Variants in KIRREL3 observed in about 807,000 individuals in gnomAD.
The protein encoded by KIRREL3 is kin of IRRE-like protein 3.
Under a neutral mutation model 89.7 loss-of-function variants are expected in KIRREL3, and 36 were observed. That is an observed-to-expected ratio of 0.40 (90% CI 0.31 to 0.53). The LOEUF is 0.53. Ranked by LOEUF, KIRREL3 falls within the 20% of genes least tolerant of loss-of-function variation. The pLI, the probability that KIRREL3 is intolerant of heterozygous loss-of-function variation, is 0.49. For missense variants in KIRREL3, 864 were observed against 1,056.6 expected, an observed-to-expected ratio of 0.82 and a Z score of 2.53; for synonymous variants, 445 against 441.4, an observed-to-expected ratio of 1.01 and a Z score of -0.10.
chr11:126,431,467 C>T lies in KIRREL3; in HGVS notation c.1648G>A (p.Val550Ile), dbSNP rs745393009. The change falls in exon 14 of 17, where the codon GTC becomes ATC. Residue 550 changes from valine to isoleucine, a missense_variant. Coordinates refer to ENST00000525144, the MANE Select transcript of KIRREL3 (RefSeq NM_032531.4). This position sits in a 1 kb window ranked among gnomAD's most constrained non-coding sequence, Gnocchi z 7.1. Reference sequence around the variant, plus strand: ...AACGCCACGATGGTTGCCATAAGGACGAGGAAGGCCACACCAGCTCCTACG... The same window carrying T: ...AACGCCACGATGGTTGCCATAAGGATGAGGAAGGCCACACCAGCTCCTACG... ...VAVGAGVAFL[V>I]LMATIVAFCC... 2.2e-5 allele frequency: 35 copies of T among 1,613,894 alleles called. No individual in the cohort carries two copies. In the East Asian group the frequency reaches 3.1e-4, roughly 14 times the overall value.
At chr11:126,448,279 CAAAAA>C (rs55787866) in intron 8 of KIRREL3, among the ~76,000 whole-genome samples, 15 of 95,360 alleles carry the variant, frequency 1.6e-4, no homozygotes, top group African/African-American at 4.1e-4. Flanking sequence ...GAGACTGTCT[CAAAAA>C]AAAAAAAAAA....
At chr11:126,798,704 A>T (rs1950890258) in intron 1 of KIRREL3, among the ~76,000 whole-genome samples, 1 of 152,084 alleles carries the variant, frequency 6.6e-6, no homozygotes, top group Non-Finnish European at 1.5e-5. Context: ...GTTCTAATGG[A>T]TGGGTGGCCA....
chr11:126,559,257 T>G (rs1476874385), intron 2 of KIRREL3, among the ~76,000 whole-genome samples: 4 of 152,220 alleles, frequency 2.6e-5, no homozygotes, highest in Admixed American at 2.6e-4. Context: ...GTGCTCTATC[T>G]GAGGCGCTCC....
intron 1 of KIRREL3, among the ~76,000 whole-genome samples, chr11:126,792,974 G>C (rs1483442987): frequency 1.3e-5 from 2 of 152,102 alleles, no homozygotes; most frequent in Non-Finnish European, 2.9e-5. Context: ...CTATTGGGGG[G>C]TTCACAGATG....
chr11:126,450,237 A>C (rs563830362), intron 7 of KIRREL3, among the ~76,000 whole-genome samples: 15 of 148,876 alleles, frequency 1.0e-4, no homozygotes, highest in African/African-American at 3.9e-4. Context: ...ACGTGTGCAT[A>C]TGAATATGCA....
At position 126,455,613 on chromosome 11, in the gene KIRREL3, G is replaced by A. The variant is rs7481810; in HGVS notation, c.848+736C>T. On this transcript the variant is annotated intron_variant, in intron 7 of 16. Coordinates refer to ENST00000525144, the MANE Select transcript of KIRREL3 (RefSeq NM_032531.4). The surrounding 1 kb of genome is among the most constrained non-coding windows in gnomAD (Gnocchi z 6.4). ...ACCATCCTGGCTAACACGGTGAAAC[G>A]CTGTCTCTACTAAAAATACAAAAAA... Among the ~76,000 whole-genome samples the A allele has an allele frequency of 0.19, 28,714 of 147,770 alleles. 4,732 individuals are homozygous for A. Among genetic ancestry groups the A allele is most frequent in the African/African-American group, 0.44 (17,806 of 40,188 alleles).
At chr11:126,868,999 A>G (rs1945014229) in intron 1 of KIRREL3, among the ~76,000 whole-genome samples, 1 of 151,944 alleles carries the variant, frequency 6.6e-6, no homozygotes, top group South Asian at 2.1e-4. Flanking sequence ...TGACCTAATC[A>G]TTTCCCAAAG....
rs980151659 is a variant in KIRREL3, at chr11:126,651,998, A to G, written c.56-89086T>C. The stretch of plus-strand genomic sequence containing the variant: ...GATGGTAGGGTAAGTCATTATGCCA[A>G]TGGGAGAATGAGGCAAAAAGCGGAG... On this transcript the variant is annotated intron_variant, in intron 1 of 16. Transcript: ENST00000525144. The surrounding 1 kb of genome is among the most constrained non-coding windows in gnomAD (Gnocchi z 4.6). Among the ~76,000 whole-genome samples the G allele has an allele frequency of 1.3e-5, 2 of 152,194 alleles. No individual in the cohort carries two copies. Among genetic ancestry groups the G allele is most frequent in the African/African-American group, 4.8e-5 (2 of 41,448 alleles).
chr11:126,941,755 AG>A (rs1364571813), intron 1 of KIRREL3, among the ~76,000 whole-genome samples: 2 of 152,214 alleles, frequency 1.3e-5, no homozygotes. Context: ...TCCCCAAATC[AG>A]GGGCCGTGCC....
At position 126,561,916 on chromosome 11, in the gene KIRREL3, G is replaced by C. The variant is rs1940153305; in HGVS notation, c.133+919C>G. Among the ~76,000 whole-genome samples, 1 of 152,160 alleles carries C rather than the reference G, an allele frequency of 6.6e-6. No homozygotes were observed. On this transcript the variant is annotated intron_variant, in intron 2 of 16. Coordinates refer to ENST00000525144, the MANE Select transcript of KIRREL3 (RefSeq NM_032531.4). This position sits in a 1 kb window ranked among gnomAD's most constrained non-coding sequence, Gnocchi z 4.5. ...AAGAGGGCACTGAGACCATGCTATG[G>C]GGATAGAGATGGTAGAAAGAAGCTT...
At position 126,696,087 on chromosome 11, in the gene KIRREL3, C is replaced by T. The variant is rs747153687; in HGVS notation, c.56-133175G>A. 2.6e-5 allele frequency among the ~76,000 whole-genome samples: 4 copies of T among 151,852 alleles called. No homozygotes were observed. The highest frequency in any genetic ancestry group is 5.9e-5 in the Non-Finnish European group (4 of 67,970). ...TGACCAACATGGTGAAACCCCATCT[C>T]TACTAAAAATACAAAAAAAATTAGC... On this transcript the variant is annotated intron_variant, in intron 1 of 16. Coordinates refer to ENST00000525144, the MANE Select transcript of KIRREL3 (RefSeq NM_032531.4). The surrounding 1 kb of genome is among the most constrained non-coding windows in gnomAD (Gnocchi z 4.4).
In KIRREL3 at chr11:126,595,326, G is replaced by T. The variant is rs574991070; in HGVS notation, c.56-32414C>A. 2.9e-3 allele frequency among the ~76,000 whole-genome samples: 443 copies of T among 152,348 alleles called. 3 individuals are homozygous for T. Among genetic ancestry groups the T allele is most frequent in the Admixed American group, 3.1e-3 (48 of 15,308 alleles). ...TGGCTCCAGAGATCCGGAGCTGAGG[G>T]CAGTGTAGGAGCTGGCAGGGCCCTT... On this transcript the variant is annotated intron_variant, in intron 1 of 16. Coordinates refer to ENST00000525144, the MANE Select transcript of KIRREL3 (RefSeq NM_032531.4).
chr11:126,663,668 C>T (rs1161618140), intron 1 of KIRREL3, among the ~76,000 whole-genome samples: 1 of 152,138 alleles, frequency 6.6e-6, no homozygotes, highest in Non-Finnish European at 1.5e-5. Flanking sequence ...TGGCACATGA[C>T]ATGTCAGGGG....
At position 126,677,280 on chromosome 11, in the gene KIRREL3, T is replaced by C. The variant is rs1946237765; in HGVS notation, c.56-114368A>G. On this transcript the variant is annotated intron_variant, in intron 1 of 16. Coordinates refer to ENST00000525144, the MANE Select transcript of KIRREL3 (RefSeq NM_032531.4). The surrounding 1 kb of genome is among the most constrained non-coding windows in gnomAD (Gnocchi z 5.1). The stretch of plus-strand genomic sequence containing the variant: ...TTTAGGCGACTACTAATTTACTTTC[T>C]GGCTAATGGATTAATGAGGAGAGGC... Among the ~76,000 whole-genome samples the C allele has an allele frequency of 6.6e-6, 1 of 152,172 alleles. No homozygotes were observed. The highest frequency in any genetic ancestry group is 6.5e-5 in the Admixed American group (1 of 15,282).
rs989830825 is a variant in KIRREL3 at position 126,694,347 on chromosome 11, G to A, written c.56-131435C>T. Among the ~76,000 whole-genome samples, 14 of 152,190 alleles carry A rather than the reference G, an allele frequency of 9.2e-5. No individual in the cohort carries two copies. The highest frequency in any genetic ancestry group is 3.1e-4 in the African/African-American group (13 of 41,452). ...AATTGCACTTTTCCATTGTATCCTA[G>A]TGAGCGTGCACCGGAGTTGTGTCTC... On this transcript the variant is annotated intron_variant, in intron 1 of 16. Transcript: ENST00000525144. This position sits in a 1 kb window ranked among gnomAD's most constrained non-coding sequence, Gnocchi z 4.4.
Position 126,904,614 on chromosome 11 carries a change from G to A in KIRREL3, c.55+95841C>T, listed in dbSNP as rs1389807460. Reference sequence around the variant, plus strand: ...ATACATGTTTTTGACATCAGGAAAAGAAATAATCTGTCTTACAAGGCTGTT... The same window carrying A: ...ATACATGTTTTTGACATCAGGAAAAAAAATAATCTGTCTTACAAGGCTGTT... On this transcript the variant is annotated intron_variant, in intron 1 of 16. Transcript: ENST00000525144. This position sits in a 1 kb window ranked among gnomAD's most constrained non-coding sequence, Gnocchi z 4.4. Among the ~76,000 whole-genome samples the A allele has an allele frequency of 6.6e-6, 1 of 152,184 alleles. No individual in the cohort carries two copies. The highest frequency in any genetic ancestry group is 1.5e-5 in the Non-Finnish European group (1 of 68,036).
chr11:126,686,084 C>T lies in KIRREL3; in HGVS notation c.56-123172G>A, dbSNP rs1016205094. On this transcript the variant is annotated intron_variant, in intron 1 of 16. Coordinates refer to ENST00000525144, the MANE Select transcript of KIRREL3 (RefSeq NM_032531.4). The surrounding 1 kb of genome is among the most constrained non-coding windows in gnomAD (Gnocchi z 4.7). ...CACTGTTCCTGAGGTGTGAGCAAACCCTGCCTCAGATGGCCCCCGAGTCCA... is the reference window on the plus strand; with the variant it reads ...CACTGTTCCTGAGGTGTGAGCAAACTCTGCCTCAGATGGCCCCCGAGTCCA... Among the ~76,000 whole-genome samples, 1 of 152,180 alleles carries T rather than the reference C, an allele frequency of 6.6e-6. No homozygotes were observed. Among genetic ancestry groups the T allele is most frequent in the Non-Finnish European group, 1.5e-5 (1 of 68,030 alleles).
In KIRREL3 at chr11:126,870,442, G is replaced by T. The variant is rs922385345; in HGVS notation, c.55+130013C>A. Among the ~76,000 whole-genome samples the T allele has an allele frequency of 2.0e-5, 3 of 152,248 alleles. No homozygotes were observed. Among genetic ancestry groups the T allele is most frequent in the Admixed American group, 2.0e-4 (3 of 15,280 alleles). ...CAAAGAGCTAAACAGGAGCTGGAGA[G>T]CTCTCCCTGAAGCTTCCATCCCTGG... On this transcript the variant is annotated intron_variant, in intron 1 of 16. Transcript: ENST00000525144. The surrounding 1 kb of genome is among the most constrained non-coding windows in gnomAD (Gnocchi z 4.4).
intron 1 of KIRREL3, among the ~76,000 whole-genome samples, chr11:126,907,199 C>T (rs1309176470): frequency 6.6e-6 from 1 of 152,164 alleles, no homozygotes; most frequent in East Asian, 1.9e-4. Context: ...CCCTAGACCC[C>T]CACTGATTGG....
Sources: allele counts gnomAD v4.1 joint callset (sites outside exome capture counted in the v4.1 genomes callset), GRCh38; gene constraint gnomAD v4.1.1; non-coding constraint Gnocchi (gnomAD v3.1); transcripts MANE v1.5; gene names NCBI Gene and HGNC (gene_info 2026-07-23, HGNC 2026-07-21).